Variants in MOSPD2 observed in about 807,000 individuals in gnomAD.
MOSPD2 encodes the protein motile sperm domain-containing protein 2.
A neutral mutation model predicts 41.7 loss-of-function variants in MOSPD2; 5 were observed. The observed-to-expected ratio is 0.12, with a 90% CI of 0.06 to 0.25. The LOEUF is 0.25. Among genes scored for constraint, MOSPD2 ranks in the 10% least tolerant of loss-of-function variants. MOSPD2 has a pLI of 1.00. For synonymous variants in MOSPD2, 115 were observed against 126.9 expected (o/e 0.91, Z 0.63); for missense variants, 282 against 375.2 (o/e 0.75, Z 2.05).
In MOSPD2 at chrX:14,908,936, C is replaced by T. The variant is rs147747691; in HGVS notation, c.654C>T (p.Val218=). ...SLLKFTSKNE[V]QDYVSVEYLP... is the part of the protein sequence containing the mutation. Reference sequence around the variant, plus strand: ...TGAAGTTTACAAGCAAAAATGAAGTCCAGGACTATGTCAGTGTAGAATACC... The same window carrying T: ...TGAAGTTTACAAGCAAAAATGAAGTTCAGGACTATGTCAGTGTAGAATACC... Residue 218 remains valine, a synonymous_variant, in exon 8 of 15, where the codon GTC becomes GTT. Transcript: ENST00000380492. 0.022 allele frequency: 25,629 copies of T among 1,188,485 alleles called. 243 individuals carry two copies. Among genetic ancestry groups the T allele is most frequent in the Non-Finnish European group, 0.024 (20,906 of 880,111 alleles).
chrX:14,907,597 G>A (rs763181806), intron 7 of MOSPD2, among the ~76,000 whole-genome samples: 5 of 112,373 alleles, frequency 4.4e-5, no homozygotes, highest in Non-Finnish European at 9.4e-5. Context: ...AACAAAGCCA[G>A]TAGAAAAAGC....
chrX:14,880,583 C>T (rs1373022652), intron 2 of MOSPD2, among the ~76,000 whole-genome samples: 1 of 111,702 alleles, frequency 9.0e-6, no homozygotes, highest in Non-Finnish European at 1.9e-5. Context: ...AACATGTCAC[C>T]ATTAAGTATG....
intron 9 of MOSPD2, among the ~76,000 whole-genome samples, chrX:14,911,738 T>C (rs1342780846): frequency 9.0e-6 from 1 of 111,174 alleles, no homozygotes; most frequent in African/African-American, 3.3e-5. Context: ...AAATAAAAAA[T>C]TAGCCAGATG....
At chrX:14,910,961 A>C (rs79618281) in intron 8 of MOSPD2, among the ~76,000 whole-genome samples, 5 of 86,237 alleles carry the variant, frequency 5.8e-5, no homozygotes, top group East Asian at 3.1e-4. Context: ...CACACACACA[A>C]ACAACATATA....
chrX:14,892,839 G>C lies in MOSPD2; in HGVS notation c.196G>C (p.Asp66His). Residue 66 changes from aspartate to histidine, a missense_variant, in exon 3 of 15, where the codon GAT becomes CAT. Physicochemically the swap from Asp to His is moderately conservative, Grantham distance 81 (BLOSUM62 -1). Coordinates refer to ENST00000380492, the MANE Select transcript of MOSPD2 (RefSeq NM_152581.4). Reference protein sequence around the residue: ...NIVDETLKMLDESFQWRKEIS... With the variant: ...NIVDETLKMLHESFQWRKEIS... ...TGTAGATGAAACACTGAAGATGCTCGATGAGAGTTTTCAGTGGAGGAAAGA... is the reference window on the plus strand; with the variant it reads ...TGTAGATGAAACACTGAAGATGCTCCATGAGAGTTTTCAGTGGAGGAAAGA... 8.3e-7 allele frequency: 1 copy of C among 1,207,554 alleles called. No individual in the cohort carries two copies. The highest frequency in any genetic ancestry group is 1.1e-6 in the Non-Finnish European group (1 of 892,282).
rs769767719 is a variant in MOSPD2, at chrX:14,891,810, G to A, written c.80-913G>A. Reference sequence around the variant, plus strand: ...TCAAATTCCTGACCTCAGGTGATCCGCCTGCCTCAGCCTCCCAAAGTGCTG... The same window carrying A: ...TCAAATTCCTGACCTCAGGTGATCCACCTGCCTCAGCCTCCCAAAGTGCTG... On this transcript the variant is annotated intron_variant, in intron 2 of 14. Coordinates refer to ENST00000380492, the MANE Select transcript of MOSPD2 (RefSeq NM_152581.4). Among the ~76,000 whole-genome samples the A allele has an allele frequency of 2.9e-4, 32 of 110,125 alleles. No individual in the cohort carries two copies. The East Asian group carries it at 4.8e-3, about 17-fold the overall frequency.
chrX:14,891,936 A>C (rs370896605), intron 2 of MOSPD2, among the ~76,000 whole-genome samples: 3 of 112,002 alleles, frequency 2.7e-5, no homozygotes, highest in East Asian at 5.6e-4. Flanking sequence ...TTATTTCTTT[A>C]CATATGAAAT....
chrX:14,880,259 T>G (rs1031956464), intron 2 of MOSPD2, among the ~76,000 whole-genome samples: 9 of 111,309 alleles, frequency 8.1e-5, no homozygotes, highest in Non-Finnish European at 1.1e-4. Context: ...TGTTTTATTT[T>G]TGTTGTTGTT....
At chrX:14,892,695 T>G (rs1402511288) in intron 2 of MOSPD2, 28 bp from the exon 3 acceptor site, 1 of 1,145,107 alleles carries the variant, frequency 8.7e-7, no homozygotes. Flanking sequence ...TAATCTGACT[T>G]GGATGTTTAT....
intron 8 of MOSPD2, among the ~76,000 whole-genome samples, chrX:14,909,980 T>C (rs1446128191): frequency 9.0e-6 from 1 of 110,965 alleles, no homozygotes; most frequent in Non-Finnish European, 1.9e-5. Flanking sequence ...AATTGTTATA[T>C]CTTAAATAAT....
At chrX:14,914,830 T>C (rs1054885403) in intron 11 of MOSPD2, among the ~76,000 whole-genome samples, 4 of 112,255 alleles carry the variant, frequency 3.6e-5, no homozygotes, top group African/African-American at 6.5e-5. Context: ...AATAGGTTAA[T>C]GTCTAAGTTA....
chrX:14,873,970 G>A, intron 2 of MOSPD2: 1 of 421,673 alleles, frequency 2.4e-6, no homozygotes, highest in South Asian at 3.9e-5. Flanking sequence ...TCCCTTTAAA[G>A]GGTTAATGTA....
chrX:14,914,675 A>C (rs1340055298), intron 11 of MOSPD2, 76 bp downstream of exon 11: 28 of 602,732 alleles, frequency 4.6e-5, no homozygotes, highest in Non-Finnish European at 4.6e-5. Flanking sequence ...ATTCTAATTG[A>C]AAGATTGAAA....
rs923669949 is a variant in MOSPD2 at position 14,915,563 on chromosome X, A to T, written c.1090-105A>T. ...AACTTAAAGTATAATAAAAATAAAA[A>T]AAATAAAAATAAAAATAAAAATAAA... On this transcript the variant is annotated intron_variant, in intron 11 of 14. Coordinates refer to ENST00000380492, the MANE Select transcript of MOSPD2 (RefSeq NM_152581.4). The T allele has an allele frequency of 1.3e-5, 5 of 382,980 alleles. No homozygotes were observed. In the South Asian group the frequency reaches 2.2e-4, roughly 17 times the overall value. The allele number at this position is 382,980 out of a possible 1,213,427, so 31.6% of individuals were successfully genotyped here.
chrX:14,885,311 A>G (rs2092539093), intron 2 of MOSPD2: 1 of 111,818 alleles, frequency 8.9e-6, no homozygotes, highest in Admixed American at 9.5e-5. Context: ...ATAGGTACTT[A>G]AAAACATGTC....
intron 8 of MOSPD2, among the ~76,000 whole-genome samples, chrX:14,909,729 C>T (rs996783497): frequency 9.0e-6 from 1 of 111,036 alleles, no homozygotes; most frequent in African/African-American, 3.3e-5. Flanking sequence ...TTTATACTGC[C>T]TGCCTGGCAA....
intron 5 of MOSPD2, among the ~76,000 whole-genome samples, chrX:14,899,984 T>G (rs1466524239): frequency 1.8e-5 from 2 of 111,366 alleles, no homozygotes; most frequent in East Asian, 5.6e-4. Context: ...GAATATAAAC[T>G]AAAAAACTAA....
chrX:14,921,712 A>G lies in MOSPD2; in HGVS notation c.*1903A>G. ...GTTTGTGTGTCTATTAAATGTGACTAAGCAGGATTACTGAAAATTCACTAT... is the reference window on the plus strand; with the variant it reads ...GTTTGTGTGTCTATTAAATGTGACTGAGCAGGATTACTGAAAATTCACTAT... On this transcript the variant is annotated 3_prime_UTR_variant, in exon 15 of 15. Coordinates refer to ENST00000380492, the MANE Select transcript of MOSPD2 (RefSeq NM_152581.4). 1 of 168,694 alleles carries G rather than the reference A, an allele frequency of 5.9e-6. No homozygotes were observed. The highest frequency in any genetic ancestry group is 1.1e-5 in the Non-Finnish European group (1 of 89,065). 13.9% of individuals were successfully genotyped at this position (168,694 alleles called of 1,213,427 possible). A position where few individuals can be genotyped will look rare whatever the true frequency, so the allele number is the denominator to read the frequency against.
intron 2 of MOSPD2, among the ~76,000 whole-genome samples, chrX:14,884,422 TTAAAA>T (rs1300201246): frequency 1.8e-5 from 2 of 111,403 alleles, no homozygotes; most frequent in Non-Finnish European, 3.8e-5. Flanking sequence ...GTGTGAATAC[TTAAAA>T]TAAGGGTAAT....
Sources: gnomAD v4.1 joint callset for allele counts (sites outside exome capture counted in the v4.1 genomes callset) on GRCh38, gnomAD v4.1.1 for gene constraint, MANE v1.5 for transcripts, NCBI Gene and HGNC (gene_info 2026-07-23, HGNC 2026-07-21) for gene names.